Variants in SPON1 observed in about 807,000 individuals in gnomAD.
SPON1 encodes spondin 1.
Under a neutral mutation model 111.7 loss-of-function variants are expected in SPON1, and 52 were observed. That is an observed-to-expected ratio of 0.47 (90% confidence interval 0.37 to 0.59). SPON1 has a LOEUF of 0.59. Among genes scored for constraint, SPON1 ranks in the 20% least tolerant of loss-of-function variants. The pLI is 0.00. For missense variants in SPON1, 957 were observed against 1,068.5 expected (o/e 0.90, Z 1.46); for synonymous variants, 410 against 395.8 (o/e 1.04, Z -0.43).
At chr11:14,128,842 C>A (rs1194142861) in intron 5 of SPON1, among the ~76,000 whole-genome samples, 1 of 152,242 alleles carries the variant, frequency 6.6e-6, no homozygotes, top group African/African-American at 2.4e-5. Flanking sequence ...ATCTGTGTAC[C>A]CACAGACCCC....
intron 2 of SPON1, among the ~76,000 whole-genome samples, chr11:13,996,542 C>G (rs1049059719): frequency 1.3e-5 from 2 of 152,166 alleles, no homozygotes; most frequent in Non-Finnish European, 2.9e-5. Context: ...CATCACTCCT[C>G]TCAACAGAGC....
chr11:14,235,142 A>G (rs1305576614), intron 6 of SPON1, among the ~76,000 whole-genome samples: 1 of 152,064 alleles, frequency 6.6e-6, no homozygotes, highest in Non-Finnish European at 1.5e-5. Flanking sequence ...TCCAGCTGAC[A>G]CCCAGGTCGA....
chr11:14,119,362 G>A (rs138177818), intron 5 of SPON1, among the ~76,000 whole-genome samples: 100 of 152,230 alleles, frequency 6.6e-4, no homozygotes, highest in African/African-American at 2.2e-3. Flanking sequence ...ACCTCTGAGA[G>A]GTGTATAGAA....
chr11:14,063,314 A>G (rs1397603925), intron 3 of SPON1, among the ~76,000 whole-genome samples: 1 of 152,220 alleles, frequency 6.6e-6, no homozygotes, highest in African/African-American at 2.4e-5. Flanking sequence ...TTCATCATTT[A>G]CATTCTGCTC....
chr11:14,054,860 C>A (rs559948411), intron 3 of SPON1, among the ~76,000 whole-genome samples: 19 of 152,282 alleles, frequency 1.2e-4, no homozygotes, highest in African/African-American at 4.3e-4. Flanking sequence ...AGGCAGCTGG[C>A]TTTGTACAGG....
intron 5 of SPON1, among the ~76,000 whole-genome samples, chr11:14,132,080 C>T (rs1554927559): frequency 1.3e-5 from 2 of 152,142 alleles, no homozygotes; most frequent in African/African-American, 4.8e-5. Flanking sequence ...AGTTTGAGAC[C>T]AGCCTGGCCA....
chr11:13,980,541 CTTT>C (rs1554909517), intron 1 of SPON1, among the ~76,000 whole-genome samples: 2 of 151,932 alleles, frequency 1.3e-5, no homozygotes, highest in Non-Finnish European at 2.9e-5. Flanking sequence ...TAGGGTACTT[CTTT>C]TTATTATTAT....
intron 5 of SPON1, among the ~76,000 whole-genome samples, chr11:14,102,397 T>A (rs1554924470): frequency 6.6e-6 from 1 of 152,246 alleles, no homozygotes; most frequent in Non-Finnish European, 1.5e-5. Flanking sequence ...GCAATTCATA[T>A]AAAAATTTAT....
At chr11:14,232,649 G>A (rs1437558129) in intron 6 of SPON1, among the ~76,000 whole-genome samples, 2 of 152,080 alleles carry the variant, frequency 1.3e-5, no homozygotes, top group African/African-American at 4.8e-5. Context: ...TGCAATATGA[G>A]CTTATCTTCT....
At chr11:14,134,229 G>C (rs1258608370) in intron 5 of SPON1, among the ~76,000 whole-genome samples, 2 of 152,092 alleles carry the variant, frequency 1.3e-5, no homozygotes, top group Non-Finnish European at 2.9e-5. Flanking sequence ...ACCAACCAAA[G>C]AATGGCTGAG....
intron 6 of SPON1, among the ~76,000 whole-genome samples, chr11:14,161,011 TTATA>T (rs1433804610): frequency 2.8e-5 from 1 of 35,124 alleles, no homozygotes; most frequent in East Asian, 1.2e-3. Flanking sequence ...ATTTATATAT[TTATA>T]TATCTATATA....
chr11:14,026,319 A>G (rs1591354904), intron 2 of SPON1, among the ~76,000 whole-genome samples: 3 of 152,264 alleles, frequency 2.0e-5, no homozygotes, highest in Non-Finnish European at 1.5e-5. Context: ...CCATAAATCT[A>G]TAACTTGATG....
At chr11:14,015,083 T>C (rs1420709290) in intron 2 of SPON1, among the ~76,000 whole-genome samples, 3 of 152,226 alleles carry the variant, frequency 2.0e-5, no homozygotes, top group African/African-American at 7.2e-5. Context: ...CCTCTCCCCA[T>C]TGAGGTTTGG....
At chr11:14,008,291 A>G (rs1848378925) in intron 2 of SPON1, among the ~76,000 whole-genome samples, 2 of 152,126 alleles carry the variant, frequency 1.3e-5, no homozygotes, top group Admixed American at 1.3e-4. Flanking sequence ...TGATGCTGGA[A>G]CCAACCCCCG....
intron 5 of SPON1, among the ~76,000 whole-genome samples, chr11:14,120,528 G>A (rs1325143502): frequency 6.6e-6 from 1 of 152,084 alleles, no homozygotes; most frequent in Non-Finnish European, 1.5e-5. Flanking sequence ...TTCTGTCTGT[G>A]TGCCTGACTC....
chr11:14,260,981 G>A (rs1412151864), intron 14 of SPON1, among the ~76,000 whole-genome samples: 1 of 152,184 alleles, frequency 6.6e-6, no homozygotes, highest in Non-Finnish European at 1.5e-5. Context: ...AGGTTCCTGT[G>A]AAGTCTAAAT....
intron 6 of SPON1, among the ~76,000 whole-genome samples, chr11:14,223,938 C>T (rs947193895): frequency 2.6e-5 from 4 of 152,208 alleles, no homozygotes; most frequent in African/African-American, 4.8e-5. Context: ...TTATCTGGCT[C>T]CAGTCTGGCA....
At chr11:14,151,298 C>A (rs1455579287) in intron 6 of SPON1, among the ~76,000 whole-genome samples, 6 of 152,122 alleles carry the variant, frequency 3.9e-5, no homozygotes, top group Non-Finnish European at 8.8e-5. Context: ...AGCAGTCCAC[C>A]CAGCTTGCCT....
intron 1 of SPON1, among the ~76,000 whole-genome samples, chr11:13,975,852 A>G (rs9704394): frequency 0.71 from 108,104 of 152,000 alleles, 39,107 homozygotes; most frequent in Non-Finnish European, 0.78. Flanking sequence ...TTGTTGGGTA[A>G]TCAGCCTGAT....
Sources: gnomAD v4.1 joint callset for allele counts (sites outside exome capture counted in the v4.1 genomes callset) on GRCh38, gnomAD v4.1.1 for gene constraint, MANE v1.5 for transcripts, NCBI Gene and HGNC (gene_info 2026-07-23, HGNC 2026-07-21) for gene names.